The following DDC variants were observed in gnomAD, a reference collection of about 807,000 sequenced individuals.
DDC encodes the protein aromatic-L-amino-acid decarboxylase.
A neutral mutation model predicts 60.0 loss-of-function variants in DDC; 43 were observed. The ratio of observed to expected loss-of-function variants is 0.72; its 90% confidence interval spans 0.56 to 0.92. The LOEUF (loss-of-function observed/expected upper bound fraction) is 0.92, where lower values mean the gene tolerates loss of function less well. DDC is among the 40% of genes least tolerant of loss of function. The probability of loss-of-function intolerance (pLI) is 0.00; values close to 1 mark genes in which losing one functional copy is unlikely to be tolerated. For synonymous variants in DDC, 232 were observed against 234.6 expected (o/e 0.99, Z 0.10); for missense variants, 573 against 620.2 (o/e 0.92, Z 0.81).
At chr7:50,535,301 C>T (rs2044364913) in intron 4 of DDC, among the ~76,000 whole-genome samples, 2 of 152,116 alleles carry the variant, frequency 1.3e-5, no homozygotes, top group African/African-American at 2.4e-5. Context: ...TGCCCGCCAC[C>T]ACACCTGGAT....
At chr7:50,502,126 A>G (rs528958267) in intron 7 of DDC, among the ~76,000 whole-genome samples, 3 of 152,206 alleles carry the variant, frequency 2.0e-5, no homozygotes, top group African/African-American at 7.2e-5. Flanking sequence ...CATTCTGCCA[A>G]TGGATGAAAG....
intron 9 of DDC, among the ~76,000 whole-genome samples, chr7:50,482,664 C>G (rs2042795861): frequency 6.6e-6 from 1 of 152,160 alleles, no homozygotes; most frequent in South Asian, 2.1e-4. Flanking sequence ...AATATCGAGT[C>G]TTCTTTATGA....
chr7:50,555,587 T>C (rs921451), intron 1 of DDC, among the ~76,000 whole-genome samples: 48,627 of 151,816 alleles, frequency 0.32, 8,410 homozygotes, highest in East Asian at 0.48. Flanking sequence ...TGTACCACTA[T>C]TTTTATGTAA....
At chr7:50,556,739 G>C (rs760378474) in intron 1 of DDC, among the ~76,000 whole-genome samples, 1 of 152,162 alleles carries the variant, frequency 6.6e-6, no homozygotes, top group Admixed American at 6.5e-5. Context: ...GTCCCACTCC[G>C]CCCAGCTGGC....
At chr7:50,528,402 G>T in intron 5 of DDC, 122 bp from the exon 6 acceptor site, 2 of 1,203,804 alleles carry the variant, frequency 1.7e-6, no homozygotes, top group East Asian at 2.3e-5. Context: ...GGCACAGGAG[G>T]CAGAACTGCT....
intron 10 of DDC, chr7:50,477,547 C>A (rs1214396687): frequency 4.4e-6 from 2 of 457,198 alleles, no homozygotes; most frequent in Admixed American, 2.3e-5. Context: ...CCACGCCCCA[C>A]CCTGCACTTC....
intron 7 of DDC, among the ~76,000 whole-genome samples, chr7:50,502,730 G>A (rs1220444654): frequency 6.6e-6 from 1 of 152,242 alleles, no homozygotes; most frequent in Non-Finnish European, 1.5e-5. Context: ...GTAGTTCCCA[G>A]CACTGCATTC....
chr7:50,461,054 A>AT (rs1197307893), intron 14 of DDC, among the ~76,000 whole-genome samples: 3,162 of 151,716 alleles, frequency 0.021, 121 homozygotes, highest in African/African-American at 0.07. Context: ...AATAAAAAAA[A>AT]AAATAAATAA....
Position 50,528,187 on chromosome 7 carries a change from G to C in DDC, c.664C>G (p.Leu222Val). ...DGNFAMRASALQEALERDKAA... is the reference protein window; with the variant it reads ...DGNFAMRASAVQEALERDKAA... ...TTGTCTCTCTCCAGGGCTTCCTGCAGGGCAGACGCACGCATGGCGAAGTTG... is the reference window on the plus strand; with the variant it reads ...TTGTCTCTCTCCAGGGCTTCCTGCACGGCAGACGCACGCATGGCGAAGTTG... Residue 222 changes from leucine (L) to valine (V), a missense_variant, in exon 6 of 15, where the codon CTG (leucine) becomes GTG (valine). By Grantham distance (32) the Leu-to-Val change is conservative (BLOSUM62 1). Transcript: ENST00000444124. 6.2e-7 allele frequency: 1 copy of C among 1,613,962 alleles called. No individual in the cohort carries two copies. The highest frequency in any genetic ancestry group is 8.5e-7 in the Non-Finnish European group (1 of 1,180,044).
At chr7:50,551,262 A>C (rs143383176) in intron 1 of DDC, among the ~76,000 whole-genome samples, 1,788 of 137,764 alleles carry the variant, frequency 0.013, 39 homozygotes, top group African/African-American at 0.047. Flanking sequence ...ACGGGGCCTC[A>C]CTCTGTCGCC....
chr7:50,476,150 A>G (rs750248232), intron 11 of DDC, among the ~76,000 whole-genome samples: 1 of 152,196 alleles, frequency 6.6e-6, no homozygotes, highest in Non-Finnish European at 1.5e-5. Flanking sequence ...ACAACCTGGC[A>G]TTTTCAAAGT....
At chr7:50,478,611 C>T (rs564151736) in intron 10 of DDC, among the ~76,000 whole-genome samples, 3 of 152,312 alleles carry the variant, frequency 2.0e-5, no homozygotes, top group Non-Finnish European at 4.4e-5. Flanking sequence ...AGAACTGGCC[C>T]AGTTAGAAGC....
At chr7:50,502,971 C>G (rs921979412) in intron 7 of DDC, among the ~76,000 whole-genome samples, 4 of 152,232 alleles carry the variant, frequency 2.6e-5, no homozygotes, top group African/African-American at 9.6e-5. Flanking sequence ...CACACAAAGG[C>G]ACCTGCACCT....
At chr7:50,507,447 G>A (rs559749976) in intron 6 of DDC, among the ~76,000 whole-genome samples, 5 of 152,154 alleles carry the variant, frequency 3.3e-5, no homozygotes, top group Admixed American at 2.6e-4. Context: ...GGCTAGGCTG[G>A]TCTCTAACTT....
At chr7:50,468,694 G>T (rs1383099362) in intron 12 of DDC, among the ~76,000 whole-genome samples, 1 of 152,170 alleles carries the variant, frequency 6.6e-6, no homozygotes, top group Non-Finnish European at 1.5e-5. Flanking sequence ...CTGCACACCT[G>T]GTTGTGAAGT....
intron 1 of DDC, among the ~76,000 whole-genome samples, chr7:50,562,882 A>G (rs2045371586): frequency 6.6e-6 from 1 of 152,220 alleles, no homozygotes; most frequent in Admixed American, 6.5e-5. Flanking sequence ...AAAAATGTCC[A>G]GACTGCCGGG....
At chr7:50,491,385 C>A in intron 9 of DDC, among the ~76,000 whole-genome samples, 1 of 152,062 alleles carries the variant, frequency 6.6e-6, no homozygotes, top group African/African-American at 2.4e-5. Flanking sequence ...ACTTTACAAC[C>A]TGCTAAAAAT....
intron 10 of DDC, among the ~76,000 whole-genome samples, chr7:50,479,407 T>C (rs1420418300): frequency 1.3e-5 from 2 of 152,248 alleles, no homozygotes; most frequent in Non-Finnish European, 2.9e-5. Flanking sequence ...CCTCATGGTA[T>C]TGGTGGAAGG....
intron 11 of DDC, among the ~76,000 whole-genome samples, chr7:50,470,955 A>G (rs1435359250): frequency 6.6e-6 from 1 of 152,218 alleles, no homozygotes; most frequent in Admixed American, 6.5e-5. Flanking sequence ...GAGCTGAGCC[A>G]GCTCCCTACT....
Sources: gnomAD v4.1 joint callset for allele counts (sites outside exome capture counted in the v4.1 genomes callset) on GRCh38, gnomAD v4.1.1 for gene constraint, MANE v1.5 for transcripts, NCBI Gene and HGNC (gene_info 2026-07-23, HGNC 2026-07-21) for gene names.